CPNE4: variants seen among roughly 807,000 people sequenced by gnomAD.
CPNE4 encodes copine-4.
A neutral mutation model predicts 67.9 loss-of-function variants in CPNE4; 25 were observed. The observed-to-expected ratio is 0.37, with a 90% confidence interval of 0.27 to 0.51. The LOEUF (loss-of-function observed/expected upper bound fraction) is 0.51. Ranked by LOEUF, CPNE4 falls within the 20% of genes least tolerant of loss-of-function variation. The pLI is 0.93. For missense variants in CPNE4, 464 were observed against 690.8 expected (o/e 0.67, Z 3.68); for synonymous variants, 242 against 244.9 (o/e 0.99, Z 0.11).
chr3:131,809,442 T>G (rs1275029598), intron 2 of CPNE4, among the ~76,000 whole-genome samples: 2 of 152,088 alleles, frequency 1.3e-5, no homozygotes, highest in Non-Finnish European at 2.9e-5. Flanking sequence ...GATAATAAAT[T>G]TGTGTTGCTT....
At chr3:131,596,732 C>T (rs889903502) in intron 7 of CPNE4, among the ~76,000 whole-genome samples, 1 of 150,562 alleles carries the variant, frequency 6.6e-6, no homozygotes, top group Non-Finnish European at 1.5e-5. Context: ...AGCACTGAGG[C>T]TTTTCTGAAG....
At chr3:131,920,655 T>G (rs1356879845) in intron 1 of CPNE4, among the ~76,000 whole-genome samples, 1 of 151,844 alleles carries the variant, frequency 6.6e-6, no homozygotes, top group Non-Finnish European at 1.5e-5. Flanking sequence ...TGGCTTCAGA[T>G]GCTGATAAGA....
Position 131,902,826 on chromosome 3 carries a change from A to G in CPNE4, c.180+2438T>C, listed in dbSNP as rs189965382. On this transcript the variant is annotated intron_variant, in intron 2 of 15. Coordinates refer to ENST00000429747, the MANE Select transcript of CPNE4 (RefSeq NM_130808.3). ...GCATTCCATTTAGTTTTGTTAAATAAAAAATAATGAGACTAACAAAGTCAA... is the reference window on the plus strand; with the variant it reads ...GCATTCCATTTAGTTTTGTTAAATAGAAAATAATGAGACTAACAAAGTCAA... Among the ~76,000 whole-genome samples the G allele has an allele frequency of 9.6e-4, 146 of 152,262 alleles. 1 individual carries two copies. The highest frequency in any genetic ancestry group is 2.0e-3 in the Non-Finnish European group (136 of 68,002).
rs529184567 is a variant in CPNE4, at chr3:131,902,897, C to A, written c.180+2367G>T. Among the ~76,000 whole-genome samples the A allele has an allele frequency of 8.5e-5, 13 of 152,176 alleles. No homozygotes were observed. In the South Asian group the frequency reaches 2.7e-3, roughly 32 times the overall value. On this transcript the variant is annotated intron_variant, in intron 2 of 15. Transcript: ENST00000429747. ...AAAAAAGATACTATGTATTAAGACA[C>A]CCATGAATACTGTTTTATATTTACA...
intron 7 of CPNE4, among the ~76,000 whole-genome samples, chr3:131,624,446 T>G (rs551885708): frequency 1.3e-5 from 2 of 152,318 alleles, no homozygotes; most frequent in African/African-American, 2.4e-5. Context: ...GACTTTATTT[T>G]CTTACCATGA....
chr3:131,701,877 CT>C (rs368614681), intron 3 of CPNE4, among the ~76,000 whole-genome samples: 2 of 152,168 alleles, frequency 1.3e-5, no homozygotes, highest in Non-Finnish European at 2.9e-5. Flanking sequence ...TTTTGAAGTA[CT>C]TTTTTTAAGT....
chr3:131,898,840 TG>T (rs1372598750), intron 2 of CPNE4, among the ~76,000 whole-genome samples: 3 of 152,142 alleles, frequency 2.0e-5, no homozygotes, highest in Non-Finnish European at 4.4e-5. Flanking sequence ...TTTTCTTTTT[TG>T]TTTTTTTAAA....
chr3:131,692,527 C>T (rs2081057621), intron 5 of CPNE4, among the ~76,000 whole-genome samples: 1 of 152,160 alleles, frequency 6.6e-6, no homozygotes, highest in African/African-American at 2.4e-5. Context: ...TGAGCCAAAT[C>T]TGGCTTACTG....
intron 2 of CPNE4, among the ~76,000 whole-genome samples, chr3:131,756,561 T>C (rs1195757629): frequency 6.6e-6 from 1 of 152,136 alleles, no homozygotes. Context: ...TGGCAGAAGA[T>C]AGATGGTCTG....
intron 2 of CPNE4, among the ~76,000 whole-genome samples, chr3:131,821,004 A>G (rs1343732828): frequency 5.3e-5 from 8 of 152,150 alleles, no homozygotes. Context: ...TTTTGGAAAG[A>G]CATATCTTGC....
chr3:131,550,733 G>C (rs965811531), intron 13 of CPNE4, among the ~76,000 whole-genome samples: 1 of 152,096 alleles, frequency 6.6e-6, no homozygotes. Context: ...TGATGAATGA[G>C]CAAAGTGGCT....
intron 1 of CPNE4, among the ~76,000 whole-genome samples, chr3:131,970,602 G>T (rs995339924): frequency 4.6e-5 from 7 of 152,110 alleles, no homozygotes; most frequent in African/African-American, 1.7e-4. Flanking sequence ...AGGGGATGGG[G>T]TTTATAATCT....
rs752660201 is a variant in CPNE4, at chr3:131,972,246, G to A, written c.-2+62321C>T. On this transcript the variant is annotated intron_variant, in intron 1 of 15. Transcript: ENST00000429747. Reference sequence around the variant, plus strand: ...GGTTACACATCAACACTCCCTTGGCGCACAAAGGTCTCACTGGCAGCAACA... The same window carrying A: ...GGTTACACATCAACACTCCCTTGGCACACAAAGGTCTCACTGGCAGCAACA... Among the ~76,000 whole-genome samples the A allele has an allele frequency of 6.6e-5, 10 of 152,232 alleles. No individual in the cohort carries two copies. The South Asian group carries it at 8.3e-4, about 13-fold the overall frequency.
At chr3:131,725,351 G>A (rs984682615) in intron 2 of CPNE4, among the ~76,000 whole-genome samples, 3 of 152,216 alleles carry the variant, frequency 2.0e-5, no homozygotes, top group East Asian at 3.9e-4. Flanking sequence ...TGGACAATCC[G>A]GGTTGCAAGG....
At chr3:131,717,373 T>C (rs1365972797) in intron 3 of CPNE4, among the ~76,000 whole-genome samples, 1 of 152,166 alleles carries the variant, frequency 6.6e-6, no homozygotes, top group African/African-American at 2.4e-5. Context: ...AAAAATTTCC[T>C]TTCAAAAGTA....
At chr3:131,824,009 A>T (rs2085058331) in intron 2 of CPNE4, among the ~76,000 whole-genome samples, 1 of 152,254 alleles carries the variant, frequency 6.6e-6, no homozygotes. Flanking sequence ...TTCAGAGGGC[A>T]GAATACAGAA....
chr3:131,993,686 A>G (rs2073227248), intron 1 of CPNE4, among the ~76,000 whole-genome samples: 2 of 135,030 alleles, frequency 1.5e-5, no homozygotes, highest in Non-Finnish European at 3.4e-5. Context: ...AATAAAAAAT[A>G]CTCAAAGATG....
chr3:131,658,703 A>T (rs11713883), intron 7 of CPNE4, among the ~76,000 whole-genome samples: 21,492 of 152,186 alleles, frequency 0.14, 2,018 homozygotes, highest in Non-Finnish European at 0.21. Flanking sequence ...AGGAGGGCCT[A>T]TGGGATTGTT....
intron 3 of CPNE4, among the ~76,000 whole-genome samples, chr3:131,722,621 C>A (rs969268261): frequency 6.6e-6 from 1 of 152,142 alleles, no homozygotes; most frequent in South Asian, 2.1e-4. Context: ...AGGTCTACGA[C>A]CTTGTATAGA....
Sources: gnomAD v4.1 joint callset for allele counts (sites outside exome capture counted in the v4.1 genomes callset) on GRCh38, gnomAD v4.1.1 for gene constraint, MANE v1.5 for transcripts, NCBI Gene and HGNC (gene_info 2026-07-23, HGNC 2026-07-21) for gene names.